SORBS2: variants seen among roughly 807,000 people sequenced by gnomAD.
SORBS2 encodes the protein sorbin and SH3 domain containing 2.
In SORBS2, 46 loss-of-function variants were observed where a neutral mutation model predicts 97.7. The ratio of observed to expected loss-of-function variants is 0.47; its 90% CI spans 0.37 to 0.60. The LOEUF is 0.60. Among genes scored for constraint, SORBS2 ranks in the 20% least tolerant of loss-of-function variants. SORBS2 has a pLI of 0.00. For synonymous variants in SORBS2, 476 were observed against 473.4 expected (o/e 1.01, Z -0.07); for missense variants, 1,316 against 1,282.3 (o/e 1.03, Z -0.40).
At chr4:185,632,237 A>G (rs561874210) in intron 4 of SORBS2, among the ~76,000 whole-genome samples, 3 of 152,316 alleles carry the variant, frequency 2.0e-5, no homozygotes, top group African/African-American at 7.2e-5. Context: ...ATTTAATTCT[A>G]TCTTACTAAA....
intron 2 of SORBS2, among the ~76,000 whole-genome samples, chr4:185,752,361 C>T (rs1382333009): frequency 3.3e-5 from 5 of 152,116 alleles, no homozygotes; most frequent in Admixed American, 6.5e-5. Flanking sequence ...CTGCAAGCTC[C>T]GCCTCCCGGG....
chr4:185,830,610 G>A (rs1304517412), intron 1 of SORBS2, among the ~76,000 whole-genome samples: 5 of 152,160 alleles, frequency 3.3e-5, no homozygotes, highest in African/African-American at 1.2e-4. Context: ...ATGGCCAAAG[G>A]ATCAAGAACA....
intron 1 of SORBS2, among the ~76,000 whole-genome samples, chr4:185,831,097 A>G (rs1253331156): frequency 7.2e-6 from 1 of 139,128 alleles, no homozygotes; most frequent in Non-Finnish European, 1.7e-5. Flanking sequence ...TTTTTCTGCC[A>G]TTTGAACTTT....
At chr4:185,752,430 C>T (rs1363199276) in intron 2 of SORBS2, among the ~76,000 whole-genome samples, 3 of 152,160 alleles carry the variant, frequency 2.0e-5, no homozygotes, top group Admixed American at 6.5e-5. Context: ...CGCCCGCCAC[C>T]ACACCCAGCT....
At chr4:185,634,725 T>C (rs2096965320) in intron 4 of SORBS2, among the ~76,000 whole-genome samples, 1 of 152,238 alleles carries the variant, frequency 6.6e-6, no homozygotes, top group Non-Finnish European at 1.5e-5. Context: ...TAAGTAGAGA[T>C]TGCAAACGCA....
intron 2 of SORBS2, among the ~76,000 whole-genome samples, chr4:185,681,998 TAAG>T (rs1444446610): frequency 2.0e-5 from 3 of 152,242 alleles, no homozygotes; most frequent in African/African-American, 7.2e-5. Context: ...AAGTGCTTTT[TAAG>T]AATTATTTTA....
At chr4:185,862,586 T>G (rs1381304796) in intron 1 of SORBS2, among the ~76,000 whole-genome samples, 1 of 152,264 alleles carries the variant, frequency 6.6e-6, no homozygotes, top group African/African-American at 2.4e-5. Context: ...ACTAAGCCCT[T>G]GACTTCTTTA....
chr4:185,829,131 G>A lies in SORBS2; in HGVS notation c.-337-53765C>T, dbSNP rs192939063. On this transcript the variant is annotated intron_variant, in intron 1 of 20. Transcript: ENST00000284776. The stretch of plus-strand genomic sequence containing the variant: ...ATATCTTCTTTTCCTCTTCAATTGC[G>A]AAGATTGCTCCAAGTTTTTTCTAAT... Among the ~76,000 whole-genome samples the A allele has an allele frequency of 3.1e-3, 475 of 152,162 alleles. 2 individuals carry two copies. The highest frequency in any genetic ancestry group is 3.4e-3 in the Non-Finnish European group (229 of 68,010).
At chr4:185,884,059 C>T (rs1465308439) in intron 1 of SORBS2, among the ~76,000 whole-genome samples, 1 of 152,132 alleles carries the variant, frequency 6.6e-6, no homozygotes, top group South Asian at 2.1e-4. Flanking sequence ...TTCAAGGTAC[C>T]TTCCAAAGGG....
intron 4 of SORBS2, among the ~76,000 whole-genome samples, chr4:185,677,911 G>T (rs1362850712): frequency 6.6e-6 from 1 of 151,880 alleles, no homozygotes; most frequent in Non-Finnish European, 1.5e-5. Flanking sequence ...CTACATTCAG[G>T]GAAATTATGT....
chr4:185,800,708 C>A (rs1476768916), intron 1 of SORBS2, among the ~76,000 whole-genome samples: 2 of 152,154 alleles, frequency 1.3e-5, no homozygotes, highest in Non-Finnish European at 2.9e-5. Flanking sequence ...CCCCCTCCAT[C>A]CTTTTATTTC....
chr4:185,759,031 G>A (rs2153607482), intron 2 of SORBS2, among the ~76,000 whole-genome samples: 1 of 152,268 alleles, frequency 6.6e-6, no homozygotes, highest in South Asian at 2.1e-4. Flanking sequence ...GTGGGGGCAG[G>A]GATTTTTACC....
Position 185,939,455 on chromosome 4 carries a change from C to T in SORBS2, c.-338+16741G>A, listed in dbSNP as rs115541517. On this transcript the variant is annotated intron_variant, in intron 1 of 20. Transcript: ENST00000284776. ...TCCCTCTCTGACTGCTGCTCTATTT[C>T]TCCCTTCTCCTTCCCAGGAACAGTT... 3.0e-3 allele frequency among the ~76,000 whole-genome samples: 461 copies of T among 152,310 alleles called. 2 individuals are homozygous for T. The highest frequency in any genetic ancestry group is 0.011 in the African/African-American group (447 of 41,568).
At chr4:185,652,770 A>G (rs1056752155) in intron 1 of SORBS2, 42 bp from the exon 10 acceptor site, 10 of 1,363,730 alleles carry the variant, frequency 7.3e-6, no homozygotes, top group African/African-American at 4.3e-5. Flanking sequence ...ACTGGCTTCC[A>G]ATCAACATCG....
At chr4:185,941,155 G>T (rs1293806016) in intron 1 of SORBS2, among the ~76,000 whole-genome samples, 1 of 152,146 alleles carries the variant, frequency 6.6e-6, no homozygotes, top group African/African-American at 2.4e-5. Context: ...GACTTACCAC[G>T]TGCCGGACAC....
At chr4:185,589,632 G>C (rs1328102031) in intron 14 of SORBS2, 47 bp downstream of exon 26, 3 of 1,111,630 alleles carry the variant, frequency 2.7e-6, no homozygotes. Flanking sequence ...GCAAACTCAA[G>C]CAAATTACAA....
At chr4:185,949,800 A>G (rs999852202) in intron 1 of SORBS2, among the ~76,000 whole-genome samples, 4 of 152,196 alleles carry the variant, frequency 2.6e-5, no homozygotes, top group East Asian at 3.9e-4. Context: ...TTTGGGAACT[A>G]TAACTGACAA....
rs79177649 is a variant in SORBS2 at position 185,726,279 on chromosome 4, T to C, written c.-197-47457A>G. On this transcript the variant is annotated intron_variant, in intron 2 of 20. Coordinates refer to the SORBS2 transcript ENST00000284776. Reference sequence around the variant, plus strand: ...TCCCTCTCACTCATTTAAACTAATATAGTTCCTTTTCTGTGCCACTTCATC... The same window carrying C: ...TCCCTCTCACTCATTTAAACTAATACAGTTCCTTTTCTGTGCCACTTCATC... 3.8e-3 allele frequency among the ~76,000 whole-genome samples: 572 copies of C among 152,350 alleles called. 4 individuals are homozygous for C. The highest frequency in any genetic ancestry group is 0.012 in the African/African-American group (487 of 41,578).
Position 185,863,134 on chromosome 4 carries a change from A to G in SORBS2, c.-337-87768T>C, listed in dbSNP as rs138505686. On this transcript the variant is annotated intron_variant, in intron 1 of 20. Transcript: ENST00000284776. ...AATTAGACTAAAGGCACGTCCCTCC[A>G]CCTGGATTTGCATTTTTACATTAGG... Among the ~76,000 whole-genome samples the G allele has an allele frequency of 6.6e-5, 10 of 152,194 alleles. No homozygotes were observed. In the East Asian group the frequency reaches 1.9e-3, roughly 29 times the overall value.
Sources: gnomAD v4.1 joint callset for allele counts (sites outside exome capture counted in the v4.1 genomes callset) on GRCh38, gnomAD v4.1.1 for gene constraint, MANE v1.5 for transcripts, NCBI Gene and HGNC (gene_info 2026-07-23, HGNC 2026-07-21) for gene names.